Variants in ROBO1 observed in about 807,000 individuals in gnomAD.
ROBO1 encodes roundabout guidance receptor 1.
In ROBO1, 149 loss-of-function variants were observed where a neutral mutation model predicts 195.9. The observed-to-expected ratio is 0.76, with a 90% CI of 0.67 to 0.87. The LOEUF (loss-of-function observed/expected upper bound fraction) is 0.87, where lower values mean the gene tolerates loss of function less well. Ranked by LOEUF, ROBO1 falls within the 40% of genes least tolerant of loss-of-function variation. The pLI is 0.00. For synonymous variants in ROBO1, 816 were observed against 733.2 expected (o/e 1.11, Z -1.82); for missense variants, 1,933 against 2,068.3 (o/e 0.93, Z 1.27).
intron 30 of ROBO1, among the ~76,000 whole-genome samples, 166 bp from the exon 31 acceptor site, chr3:78,599,093 T>C (rs575537738): frequency 7.9e-5 from 12 of 152,328 alleles, no homozygotes; most frequent in South Asian, 2.1e-4. Flanking sequence ...TCAACCTTAA[T>C]TGGTCTTCAC....
In ROBO1 at chr3:78,896,384, A is replaced by T. The variant is rs529718037; in HGVS notation, c.499+42217T>A. ...AAAGACGTGAAAATAGCCTTAACTG[A>T]TGACATTCCACCATTGTAATTTGCT... On this transcript the variant is annotated intron_variant, in intron 4 of 30. Coordinates refer to ENST00000464233, the MANE Select transcript of ROBO1 (RefSeq NM_002941.4). Among the ~76,000 whole-genome samples, 67 of 152,230 alleles carry T rather than the reference A, an allele frequency of 4.4e-4. No homozygotes were observed. The South Asian group carries it at 0.01, about 23-fold the overall frequency.
intron 2 of ROBO1, among the ~76,000 whole-genome samples, chr3:79,280,958 G>C (rs1043102972): frequency 6.6e-6 from 1 of 152,106 alleles, no homozygotes; most frequent in South Asian, 2.1e-4. Context: ...GGGCCAGTAC[G>C]GGTCCATGAC....
chr3:79,528,548 A>G (rs1288127532), intron 2 of ROBO1, among the ~76,000 whole-genome samples: 2 of 152,334 alleles, frequency 1.3e-5, no homozygotes, highest in East Asian at 3.9e-4. Context: ...CAATCTCACC[A>G]CTGAGAATCT....
chr3:79,295,897 G>A (rs959050674), intron 2 of ROBO1, among the ~76,000 whole-genome samples: 8 of 152,100 alleles, frequency 5.3e-5, no homozygotes, highest in Non-Finnish European at 8.8e-5. Flanking sequence ...TAAACTCTGA[G>A]AATTATGGAT....
intron 2 of ROBO1, among the ~76,000 whole-genome samples, chr3:79,493,233 G>A (rs1939559914): frequency 6.6e-6 from 1 of 151,752 alleles, no homozygotes; most frequent in Admixed American, 6.6e-5. Flanking sequence ...CATTTTTATT[G>A]CCTAAATTTT....
chr3:79,322,257 C>T (rs571662897), intron 2 of ROBO1, among the ~76,000 whole-genome samples: 1 of 152,174 alleles, frequency 6.6e-6, no homozygotes, highest in South Asian at 2.1e-4. Flanking sequence ...TCTGAAAAAA[C>T]ATTCAGGTTA....
chr3:79,007,595 C>T (rs574133734), intron 3 of ROBO1, among the ~76,000 whole-genome samples: 1 of 152,308 alleles, frequency 6.6e-6, no homozygotes, highest in South Asian at 2.1e-4. Flanking sequence ...ATTTATTTTA[C>T]TTTCACCTTC....
At chr3:79,580,686 T>C (rs2107787123) in intron 2 of ROBO1, among the ~76,000 whole-genome samples, 2 of 152,248 alleles carry the variant, frequency 1.3e-5, no homozygotes, top group African/African-American at 4.8e-5. Context: ...ATATTTTATA[T>C]ATATGTACAT....
intron 2 of ROBO1, among the ~76,000 whole-genome samples, chr3:79,229,879 T>C (rs2082291046): frequency 6.6e-6 from 1 of 152,198 alleles, no homozygotes; most frequent in African/African-American, 2.4e-5. Context: ...TTATCAATGA[T>C]CTTTCTCACT....
At chr3:79,138,982 G>T (rs1373790478) in intron 2 of ROBO1, among the ~76,000 whole-genome samples, 3 of 151,724 alleles carry the variant, frequency 2.0e-5, no homozygotes, top group Non-Finnish European at 4.4e-5. Context: ...ATCTCCAAAA[G>T]TGTTACAATT....
intron 2 of ROBO1, among the ~76,000 whole-genome samples, chr3:79,148,399 T>C (rs1305525447): frequency 6.6e-6 from 1 of 151,790 alleles, no homozygotes; most frequent in Non-Finnish European, 1.5e-5. Context: ...CTGATGGGTC[T>C]CCTGAGCCTA....
At chr3:79,549,314 C>T (rs1050269482) in intron 2 of ROBO1, among the ~76,000 whole-genome samples, 1 of 152,016 alleles carries the variant, frequency 6.6e-6, no homozygotes, top group East Asian at 1.9e-4. Context: ...AATAAATATA[C>T]ATGTATGTAC....
chr3:79,048,208 G>C lies in ROBO1; in HGVS notation c.172+77248C>G, dbSNP rs1041304333. Among the ~76,000 whole-genome samples the C allele has an allele frequency of 6.6e-5, 10 of 152,032 alleles. No individual in the cohort carries two copies. The East Asian group carries it at 1.7e-3, about 27-fold the overall frequency. ...CCAATTCATTCCAATTAAACCTCTG[G>C]CTTTGATGATCAGGTCTTTAAACTG... On this transcript the variant is annotated intron_variant, in intron 3 of 30. Coordinates refer to ENST00000464233, the MANE Select transcript of ROBO1 (RefSeq NM_002941.4).
At chr3:78,868,920 A>C (rs1286661587) in intron 4 of ROBO1, among the ~76,000 whole-genome samples, 1 of 152,086 alleles carries the variant, frequency 6.6e-6, no homozygotes, top group Admixed American at 6.6e-5. Flanking sequence ...AGAACAACTT[A>C]TGTCTGTATT....
intron 3 of ROBO1, among the ~76,000 whole-genome samples, chr3:78,961,180 T>G (rs578105496): frequency 6.6e-6 from 1 of 152,144 alleles, no homozygotes; most frequent in Non-Finnish European, 1.5e-5. Context: ...TTTATCCCTC[T>G]TTGCAAATCT....
intron 1 of ROBO1, among the ~76,000 whole-genome samples, chr3:79,717,784 G>T (rs1457554314): frequency 6.6e-6 from 1 of 151,964 alleles, no homozygotes; most frequent in Non-Finnish European, 1.5e-5. Flanking sequence ...AGCAAAAATA[G>T]TTACACTAGA....
chr3:79,097,153 G>A (rs868196667), intron 3 of ROBO1, among the ~76,000 whole-genome samples: 3 of 151,564 alleles, frequency 2.0e-5, no homozygotes, highest in African/African-American at 7.3e-5. Flanking sequence ...TCTGCTGTCA[G>A]AGTCTACACA....
chr3:79,033,790 G>A (rs1190055471), intron 3 of ROBO1, among the ~76,000 whole-genome samples: 1 of 152,058 alleles, frequency 6.6e-6, no homozygotes, highest in Non-Finnish European at 1.5e-5. Context: ...GTTCATCTCA[G>A]CTACAATATA....
chr3:78,996,483 C>T (rs952206965), intron 3 of ROBO1, among the ~76,000 whole-genome samples: 1 of 152,060 alleles, frequency 6.6e-6, no homozygotes, highest in Non-Finnish European at 1.5e-5. Flanking sequence ...TAACAGTGGC[C>T]TCTCTCTGCA....
Sources: allele counts gnomAD v4.1 joint callset (sites outside exome capture counted in the v4.1 genomes callset), GRCh38; gene constraint gnomAD v4.1.1; transcripts MANE v1.5; gene names NCBI Gene and HGNC (gene_info 2026-07-23, HGNC 2026-07-21).